Variants in MED13L observed in about 807,000 individuals in gnomAD.
MED13L encodes mediator of RNA polymerase II transcription subunit 13-like.
A neutral mutation model predicts 220.9 loss-of-function variants in MED13L; 7 were observed. The observed-to-expected ratio is 0.03, with a 90% CI of 0.02 to 0.06. The LOEUF (loss-of-function observed/expected upper bound fraction) is 0.06. MED13L is among the 10% of genes least tolerant of loss of function. MED13L has a pLI of 1.00. For synonymous variants in MED13L, 1,011 were observed against 1,015.2 expected (o/e 1.00, Z 0.08); for missense variants, 1,965 against 2,760.5 (o/e 0.71, Z 6.46).
intron 2 of MED13L, among the ~76,000 whole-genome samples, chr12:116,174,045 G>A (rs776071828): frequency 1.3e-5 from 2 of 152,188 alleles, no homozygotes; most frequent in Admixed American, 6.5e-5. Context: ...AATGAGCTAT[G>A]ATCATGCCAC....
chr12:116,220,312 C>T (rs1009577611), intron 2 of MED13L, among the ~76,000 whole-genome samples: 1 of 152,164 alleles, frequency 6.6e-6, no homozygotes, highest in African/African-American at 2.4e-5. Context: ...TTGCCTCCTA[C>T]TCGAGATTTC....
Position 115,986,451 on chromosome 12 carries a change from G to A in MED13L, c.4153C>T (p.Leu1385=), listed in dbSNP as rs1271816234. The change falls in exon 19 of 31, where the codon CTG becomes TTG. Residue 1385 remains leucine, a synonymous_variant. Transcript: ENST00000281928. The part of the protein sequence containing the change: ...ESPEPLPIPT[L]LVGYDKDFLT... Reference sequence around the variant, plus strand: ...AAATCCTTGTCATAGCCTACCAGCAGAGTGGGGATGGGCAACGGCTCAGGA... The same window carrying A: ...AAATCCTTGTCATAGCCTACCAGCAAAGTGGGGATGGGCAACGGCTCAGGA... 1 of 1,614,128 alleles carries A rather than the reference G, an allele frequency of 6.2e-7. No homozygotes were observed. The highest frequency in any genetic ancestry group is 8.5e-7 in the Non-Finnish European group (1 of 1,179,996).
intron 2 of MED13L, among the ~76,000 whole-genome samples, chr12:116,135,221 G>C (rs773645589): frequency 7.9e-5 from 12 of 152,136 alleles, no homozygotes; most frequent in South Asian, 2.1e-4. Flanking sequence ...TCTATGGGTA[G>C]GTTAGAAAAG....
At chr12:116,056,295 T>TC (rs1300915530) in intron 4 of MED13L, among the ~76,000 whole-genome samples, 2 of 151,906 alleles carry the variant, frequency 1.3e-5, no homozygotes, top group Non-Finnish European at 2.9e-5. Flanking sequence ...GTTTTTTTTT[T>TC]GAGACAAAGT....
At chr12:116,142,415 CAG>C (rs1409335953) in intron 2 of MED13L, among the ~76,000 whole-genome samples, 1 of 152,174 alleles carries the variant, frequency 6.6e-6, no homozygotes, top group African/African-American at 2.4e-5. Flanking sequence ...AAGCCAGACT[CAG>C]TGGCTCACAC....
At chr12:116,244,793 A>C (rs1870961730) in intron 1 of MED13L, among the ~76,000 whole-genome samples, 1 of 152,094 alleles carries the variant, frequency 6.6e-6, no homozygotes, top group African/African-American at 2.4e-5. Context: ...CTCTACAAAA[A>C]ATTAAAAAAT....
intron 1 of MED13L, among the ~76,000 whole-genome samples, chr12:116,247,003 T>C (rs1871160152): frequency 6.6e-6 from 1 of 151,914 alleles, no homozygotes; most frequent in Non-Finnish European, 1.5e-5. Context: ...GCAGAAAGAA[T>C]GAGTTAAACC....
In MED13L at chr12:116,035,541, T is replaced by C. The variant is rs555586352; in HGVS notation, c.480-12940A>G. 2.0e-5 allele frequency among the ~76,000 whole-genome samples: 3 copies of C among 152,254 alleles called. No individual in the cohort carries two copies. The South Asian group carries it at 6.2e-4, about 32-fold the overall frequency. On this transcript the variant is annotated intron_variant, in intron 4 of 30. Coordinates refer to ENST00000281928, the MANE Select transcript of MED13L (RefSeq NM_015335.5). Reference sequence around the variant, plus strand: ...ATATATTTTGTAATGGCTAAAATTCTATATTCTCAAGGTCCAGTAAGTAAC... The same window carrying C: ...ATATATTTTGTAATGGCTAAAATTCCATATTCTCAAGGTCCAGTAAGTAAC...
intron 4 of MED13L, among the ~76,000 whole-genome samples, chr12:116,054,047 G>A (rs61939676): frequency 6.6e-6 from 1 of 152,114 alleles, no homozygotes; most frequent in African/African-American, 2.4e-5. Context: ...TCTGCCAGCC[G>A]TGAAGTCCAA....
rs528729689 is a variant in MED13L at position 116,096,839 on chromosome 12, A to T, written c.396-87T>A. The T allele has an allele frequency of 2.4e-3, 2,235 of 928,532 alleles. 7 individuals are homozygous for T. The highest frequency in any genetic ancestry group is 3.1e-3 in the Non-Finnish European group (1,786 of 570,278). The allele number at this position is 928,532 out of a possible 1,614,324, so 57.5% of individuals were successfully genotyped here. On this transcript the variant is annotated intron_variant, in intron 3 of 30. Coordinates refer to ENST00000281928, the MANE Select transcript of MED13L (RefSeq NM_015335.5). ...AGCAATACACCAGATGAGATATATC[A>T]CCAAAAATAAAAACACCACCAATTA...
At chr12:116,119,679 C>T (rs1874829041) in intron 2 of MED13L, among the ~76,000 whole-genome samples, 1 of 151,096 alleles carries the variant, frequency 6.6e-6, no homozygotes, top group African/African-American at 2.4e-5. Context: ...GTGGCACGGG[C>T]CTGCAGTCCT....
At chr12:116,254,875 G>A (rs1042625855) in intron 1 of MED13L, among the ~76,000 whole-genome samples, 2 of 152,028 alleles carry the variant, frequency 1.3e-5, no homozygotes, top group Non-Finnish European at 1.5e-5. Flanking sequence ...TAAGAACTAC[G>A]GAACAATGTT....
chr12:116,060,288 C>G (rs1869333780), intron 4 of MED13L, among the ~76,000 whole-genome samples: 1 of 151,588 alleles, frequency 6.6e-6, no homozygotes, highest in African/African-American at 2.4e-5. Context: ...GAAAAATTCA[C>G]AAAAACAGGC....
In MED13L at chr12:116,210,551, C is replaced by CTATATATA. The variant is rs3043762; in HGVS notation, c.310+26909_310+26916dup. Among the ~76,000 whole-genome samples the CTATATATA allele has an allele frequency of 5.9e-3, 666 of 113,578 alleles. 6 individuals carry two copies. The highest frequency in any genetic ancestry group is 0.013 in the East Asian group (48 of 3,768). 74.5% of individuals were successfully genotyped at this position (113,578 alleles called of 152,430 possible). On this transcript the variant is annotated intron_variant, in intron 2 of 30. Transcript: ENST00000281928. ...CCCAAAAGCAACCGCAGAACGTAAC[C>CTATATATA]TATATATATATATATATATATATAT...
chr12:116,065,584 A>C (rs1869857680), intron 4 of MED13L, among the ~76,000 whole-genome samples: 1 of 152,208 alleles, frequency 6.6e-6, no homozygotes, highest in East Asian at 1.9e-4. Context: ...CTTTACTTAT[A>C]AACAGTTTAT....
At chr12:116,048,044 T>TG (rs1476322463) in intron 4 of MED13L, among the ~76,000 whole-genome samples, 1 of 152,076 alleles carries the variant, frequency 6.6e-6, no homozygotes, top group African/African-American at 2.4e-5. Context: ...ACTTTTTTTT[T>TG]TTTTGAGACA....
intron 1 of MED13L, among the ~76,000 whole-genome samples, chr12:116,251,308 C>CTTT (rs61533775): frequency 2.0e-4 from 18 of 87,888 alleles, no homozygotes; most frequent in Non-Finnish European, 3.5e-4. Context: ...ATCATGGATC[C>CTTT]TTTTTTTTTT....
chr12:116,077,468 A>G (rs1476979296), intron 4 of MED13L, among the ~76,000 whole-genome samples: 4 of 152,222 alleles, frequency 2.6e-5, no homozygotes, highest in Non-Finnish European at 2.9e-5. Context: ...TCTTCTTTAT[A>G]TTCAGTTGAC....
At chr12:116,074,065 C>A (rs980956754) in intron 4 of MED13L, among the ~76,000 whole-genome samples, 1 of 152,178 alleles carries the variant, frequency 6.6e-6, no homozygotes, top group Non-Finnish European at 1.5e-5. Flanking sequence ...TCTCCCCAAT[C>A]CCATACCTTA....
Sources: allele counts gnomAD v4.1 joint callset (sites outside exome capture counted in the v4.1 genomes callset), GRCh38; gene constraint gnomAD v4.1.1; transcripts MANE v1.5; gene names NCBI Gene and HGNC (gene_info 2026-07-23, HGNC 2026-07-21).